EMC10: variants seen among roughly 807,000 people sequenced by gnomAD.
The protein encoded by EMC10 is UPF0510 protein INM02.
In EMC10, 40 loss-of-function variants were observed where a neutral mutation model predicts 32.2. That is an observed-to-expected ratio of 1.24 (90% CI 0.96 to 1.61). The LOEUF (loss-of-function observed/expected upper bound fraction) is 1.61. Among genes scored for constraint, EMC10 ranks in the 40% most tolerant of loss-of-function variants. The pLI is 0.00. For synonymous variants in EMC10, 178 were observed against 158.4 expected, an observed-to-expected ratio of 1.12 and a Z score of -0.93; for missense variants, 402 against 357.7, an observed-to-expected ratio of 1.12 and a Z score of -1.00.
rs1164250787 is a variant in EMC10, at chr19:50,486,556, C to A, written c.*4297C>A. On this transcript the variant is annotated 3_prime_UTR_variant, in exon 7 of 7. Transcript: ENST00000334976. ...TAGGGGCTAATTACTGGTGCCTCTT[C>A]AGCTGTCAGTCCATCCTCCTTTATT... 3 of 152,144 alleles carry A rather than the reference C, an allele frequency of 2.0e-5. No homozygotes were observed. Among genetic ancestry groups the A allele is most frequent in the Non-Finnish European group, 2.9e-5 (2 of 68,030 alleles). The allele number at this position is 152,144 out of a possible 1,614,324, so 9.4% of individuals were successfully genotyped here. A position where few individuals can be genotyped will look rare whatever the true frequency, so the allele number is the denominator to read the frequency against.
Position 50,482,371 on chromosome 19 carries a change from C to A in EMC10, c.*112C>A. On this transcript the variant is annotated 3_prime_UTR_variant, in exon 7 of 7. Coordinates refer to ENST00000334976, the MANE Select transcript of EMC10 (RefSeq NM_206538.4). ...AGGGTTTGCTGGTCCCTCCTTTCCC[C>A]CCGTCCCACGAGGCCACCTGGGCCA... 2 of 620,200 alleles carry A rather than the reference C, an allele frequency of 3.2e-6. No homozygotes were observed. 38.4% of individuals were successfully genotyped at this position (620,200 alleles called of 1,614,324 possible).
rs781541023 is a variant in EMC10 at position 50,480,836 on chromosome 19, T to C, written c.585-48T>C. 5.1e-6 allele frequency: 8 copies of C among 1,570,192 alleles called. No homozygotes were observed. Among genetic ancestry groups the C allele is most frequent in the Non-Finnish European group, 6.9e-6 (8 of 1,155,206 alleles). On this transcript the variant is annotated intron_variant, in intron 5 of 6. Coordinates refer to ENST00000334976, the MANE Select transcript of EMC10 (RefSeq NM_206538.4). This position sits in a 1 kb window ranked among gnomAD's most constrained non-coding sequence, Gnocchi z 4.4. ...TCCTGGCGGCCTCAGGGTCTCCAGG[T>C]CCCTGGACTCCGGGCCTCACCCTTC...
chr19:50,490,853 T>C lies in EMC10; in HGVS notation c.*8594T>C, dbSNP rs1978596543. The stretch of plus-strand genomic sequence containing the variant: ...GTGCTCACTATGTTAATAATAATAA[T>C]AAAAGGCAAAAAACCAGGCTCATTG... On this transcript the variant is annotated 3_prime_UTR_variant, in exon 7 of 7. Coordinates refer to ENST00000334976, the MANE Select transcript of EMC10 (RefSeq NM_206538.4). 6.6e-6 allele frequency: 1 copy of C among 151,448 alleles called. No individual in the cohort carries two copies. The highest frequency in any genetic ancestry group is 6.6e-5 in the Admixed American group (1 of 15,200). The allele number at this position is 151,448 out of a possible 1,614,324, so 9.4% of individuals were successfully genotyped here.
rs568335591 is a variant in EMC10 at position 50,476,943 on chromosome 19, G to A, written c.114+285G>A. The A allele has an allele frequency of 1.8e-3, 620 of 341,150 alleles. 1 individual carries two copies. Among genetic ancestry groups the A allele is most frequent in the Non-Finnish European group, 2.8e-3 (519 of 188,124 alleles). The allele number at this position is 341,150 out of a possible 1,614,324, so 21.1% of individuals were successfully genotyped here. ...GGTGTGGAATCTTGGAGAATCCGAC[G>A]TCCGGGCGGTTGAAATGAAAGAGGC... On this transcript the variant is annotated intron_variant, in intron 1 of 6. Transcript: ENST00000334976.
In EMC10 at chr19:50,482,713, T is replaced by G. The variant is rs1462612198; in HGVS notation, c.*454T>G. 2 of 479,342 alleles carry G rather than the reference T, an allele frequency of 4.2e-6. No homozygotes were observed. Among genetic ancestry groups the G allele is most frequent in the Non-Finnish European group, 7.3e-6 (2 of 272,808 alleles). 29.7% of individuals were successfully genotyped at this position (479,342 alleles called of 1,614,324 possible). A position where few individuals can be genotyped will look rare whatever the true frequency, so the allele number is the denominator to read the frequency against. On this transcript the variant is annotated 3_prime_UTR_variant, in exon 7 of 7. Transcript: ENST00000334976. ...CAGGCTCCTGCAGCGCCCCCCTCACTTTGACACTGGACTAGGATGCAGCCT... is the reference window on the plus strand; with the variant it reads ...CAGGCTCCTGCAGCGCCCCCCTCACGTTGACACTGGACTAGGATGCAGCCT...
rs925128972 is a variant in EMC10, at chr19:50,487,535, C to G, written c.*5276C>G. ...GAAAAGGAAGAGAGAATGGGTGTCA[C>G]AAAGGTCTGTCCACTCCTGGGCCTC... On this transcript the variant is annotated 3_prime_UTR_variant, in exon 7 of 7. Coordinates refer to ENST00000334976, the MANE Select transcript of EMC10 (RefSeq NM_206538.4). The G allele has an allele frequency of 6.6e-6, 1 of 152,438 alleles. No homozygotes were observed. The highest frequency in any genetic ancestry group is 2.4e-5 in the African/African-American group (1 of 41,454). The allele number at this position is 152,438 out of a possible 1,614,324, so 9.4% of individuals were successfully genotyped here. A position where few individuals can be genotyped will look rare whatever the true frequency, so the allele number is the denominator to read the frequency against.
rs2122672819 is a variant in EMC10, at chr19:50,485,624, C to T, written c.*3365C>T. The T allele has an allele frequency of 6.5e-6, 1 of 153,672 alleles. No individual in the cohort carries two copies. Among genetic ancestry groups the T allele is most frequent in the Non-Finnish European group, 1.4e-5 (1 of 69,094 alleles). 9.5% of individuals were successfully genotyped at this position (153,672 alleles called of 1,614,324 possible). A position where few individuals can be genotyped will look rare whatever the true frequency, so the allele number is the denominator to read the frequency against. On this transcript the variant is annotated 3_prime_UTR_variant, in exon 7 of 7. Coordinates refer to ENST00000334976, the MANE Select transcript of EMC10 (RefSeq NM_206538.4). ...CACCTCTGTCTCCATGGCCTTGGTC[C>T]CAGCTCAAGCCTCGTCCTCTGCCAC...
rs868751655 is a variant in EMC10 at position 50,480,597 on chromosome 19, C to T, written c.419C>T (p.Ser140Leu). The change falls in exon 5 of 7, where the codon TCG (serine) becomes TTG (leucine). Residue 140 changes from serine (S) to leucine (L), a missense_variant. Transcript: ENST00000334976. This position sits in a 1 kb window ranked among gnomAD's most constrained non-coding sequence, Gnocchi z 4.4. Reference protein sequence around the residue: ...SFVPACSLVESHLSDQLTLHV... With the variant: ...SFVPACSLVELHLSDQLTLHV... ...CCCCCACAGTGCTCCCTGGTGGAGT[C>T]GCACCTGTCGGACCAGCTGACCCTG... 8 of 1,558,234 alleles carry T rather than the reference C, an allele frequency of 5.1e-6. No individual in the cohort carries two copies. Among genetic ancestry groups the T allele is most frequent in the Middle Eastern group, 1.7e-4 (1 of 6,022 alleles).
intron 1 of EMC10, 44 bp from the exon 2 acceptor site, chr19:50,477,885 G>A: frequency 6.5e-7 from 1 of 1,541,390 alleles, no homozygotes; most frequent in Non-Finnish European, 8.8e-7. Flanking sequence ...ACTATGCTGA[G>A]GGCTTGGGTG....
rs902699887 is a variant in EMC10 at position 50,483,415 on chromosome 19, T to A, written c.*1156T>A. On this transcript the variant is annotated 3_prime_UTR_variant, in exon 7 of 7. Transcript: ENST00000334976. ...AGTGAGTGCTGTCGTCCAGTCTCTC[T>A]TGGGTGTGGTTTGAATGATCTCGGG... 1.0e-5 allele frequency: 2 copies of A among 199,732 alleles called. No individual in the cohort carries two copies. Among genetic ancestry groups the A allele is most frequent in the Non-Finnish European group, 2.1e-5 (2 of 96,206 alleles). 12.4% of individuals were successfully genotyped at this position (199,732 alleles called of 1,614,324 possible). A position where few individuals can be genotyped will look rare whatever the true frequency, so the allele number is the denominator to read the frequency against.
chr19:50,476,746 C>T lies in EMC10; in HGVS notation c.114+88C>T, dbSNP rs540491423. ...TAGGTGAGTTACAGACGGAAGGAGGCTGCGCAGGGCTGAGAGGGAAGAGGT... is the reference window on the plus strand; with the variant it reads ...TAGGTGAGTTACAGACGGAAGGAGGTTGCGCAGGGCTGAGAGGGAAGAGGT... On this transcript the variant is annotated intron_variant, in intron 1 of 6. Coordinates refer to ENST00000334976, the MANE Select transcript of EMC10 (RefSeq NM_206538.4). 4.9e-6 allele frequency: 4 copies of T among 820,690 alleles called. No homozygotes were observed. The South Asian group carries it at 7.7e-5, about 16-fold the overall frequency. The allele number at this position is 820,690 out of a possible 1,614,324, so 50.8% of individuals were successfully genotyped here. A position where few individuals can be genotyped will look rare whatever the true frequency, so the allele number is the denominator to read the frequency against.
chr19:50,480,846 CCG>C lies in EMC10; in HGVS notation c.585-37_585-36del, dbSNP rs770834173. The C allele has an allele frequency of 6.3e-7, 1 of 1,576,146 alleles. No homozygotes were observed. The highest frequency in any genetic ancestry group is 1.4e-5 in the African/African-American group (1 of 73,948). ...CTCAGGGTCTCCAGGTCCCTGGACT[CCG>C]GGCCTCACCCTTCTCCTCCTCTCCC... On this transcript the variant is annotated intron_variant, in intron 5 of 6. Transcript: ENST00000334976. The surrounding 1 kb of genome is among the most constrained non-coding windows in gnomAD (Gnocchi z 4.4).
Position 50,486,073 on chromosome 19 carries a change from A to G in EMC10, c.*3814A>G, listed in dbSNP as rs1978341927. 6.6e-6 allele frequency: 1 copy of G among 152,206 alleles called. No homozygotes were observed. The highest frequency in any genetic ancestry group is 1.9e-4 in the East Asian group (1 of 5,196). 9.4% of individuals were successfully genotyped at this position (152,206 alleles called of 1,614,324 possible). A position where few individuals can be genotyped will look rare whatever the true frequency, so the allele number is the denominator to read the frequency against. On this transcript the variant is annotated 3_prime_UTR_variant, in exon 7 of 7. Coordinates refer to ENST00000334976, the MANE Select transcript of EMC10 (RefSeq NM_206538.4). ...GTGGGCATTTAGGTGCTCCCAGTAC[A>G]TAGTTGCATGGCAAACAATCCTAAA...
In EMC10 at chr19:50,485,345, G is replaced by A. The variant is rs2040378457; in HGVS notation, c.*3086G>A. 1 of 152,166 alleles carries A rather than the reference G, an allele frequency of 6.6e-6. No homozygotes were observed. Among genetic ancestry groups the A allele is most frequent in the Non-Finnish European group, 1.5e-5 (1 of 68,106 alleles). 9.4% of individuals were successfully genotyped at this position (152,166 alleles called of 1,614,324 possible). A position where few individuals can be genotyped will look rare whatever the true frequency, so the allele number is the denominator to read the frequency against. On this transcript the variant is annotated 3_prime_UTR_variant, in exon 7 of 7. Transcript: ENST00000334976. ...GATTCCCCAACTCATCTCCAGCTCA[G>A]ATCCCACCCCTGATCTCCAGACTCA...
At position 50,480,276 on chromosome 19, in the gene EMC10, C is replaced by A; in HGVS notation, c.402+61C>A. On this transcript the variant is annotated intron_variant, in intron 4 of 6. Coordinates refer to ENST00000334976, the MANE Select transcript of EMC10 (RefSeq NM_206538.4). This position sits in a 1 kb window ranked among gnomAD's most constrained non-coding sequence, Gnocchi z 4.4. Reference sequence around the variant, plus strand: ...CGTCCTCCTCATCCCCTACCCTGGTCCTGCTTCCACCATTCGAACCCCTGT... The same window carrying A: ...CGTCCTCCTCATCCCCTACCCTGGTACTGCTTCCACCATTCGAACCCCTGT... 2 of 1,478,636 alleles carry A rather than the reference C, an allele frequency of 1.4e-6. No homozygotes were observed. Among genetic ancestry groups the A allele is most frequent in the South Asian group, 1.2e-5 (1 of 83,532 alleles). 91.6% of individuals were successfully genotyped at this position (1,478,636 alleles called of 1,614,324 possible).
At chr19:50,478,097 TA>T in intron 2 of EMC10, 96 bp downstream of exon 2, 1 of 1,011,900 alleles carries the variant, frequency 9.9e-7, no homozygotes. Flanking sequence ...TGACATTTAC[TA>T]ACAACCATTT....
chr19:50,479,145 C>A, intron 3 of EMC10, 79 bp downstream of exon 3: 1 of 1,142,642 alleles, frequency 8.8e-7, no homozygotes, highest in South Asian at 1.4e-5. Context: ...CCCTGCTGGT[C>A]CCCAGCAGCC....
chr19:50,481,769 C>A (rs200196256), intron 6 of EMC10: 6 of 1,140,316 alleles, frequency 5.3e-6, no homozygotes, highest in Non-Finnish European at 6.1e-6. Context: ...GGGCCCTGCC[C>A]TGCTGCCCAC....
chr19:50,479,972 C>T (rs2122659261), intron 3 of EMC10, 139 bp from the exon 4 acceptor site: 1 of 676,874 alleles, frequency 1.5e-6, no homozygotes, highest in East Asian at 2.8e-5. Context: ...TGGGTCGACT[C>T]AGGTTGGCTG....
Sources: allele counts gnomAD v4.1 joint callset, GRCh38; gene constraint gnomAD v4.1.1; non-coding constraint Gnocchi (gnomAD v3.1); transcripts MANE v1.5; gene names NCBI Gene and HGNC (gene_info 2026-07-23, HGNC 2026-07-21).